Variants in SLC24A3 observed in about 807,000 individuals in gnomAD.
The protein encoded by SLC24A3 is solute carrier family 24 member 3.
A neutral mutation model predicts 75.8 loss-of-function variants in SLC24A3; 28 were observed. The observed-to-expected ratio is 0.37, with a 90% CI of 0.27 to 0.51. The LOEUF (loss-of-function observed/expected upper bound fraction) is 0.51, where lower values mean the gene tolerates loss of function less well. Among genes scored for constraint, SLC24A3 ranks in the 20% least tolerant of loss-of-function variants. The pLI is 0.94. For missense variants in SLC24A3, 663 were observed against 847.8 expected, an observed-to-expected ratio of 0.78 and a Z score of 2.71; for synonymous variants, 372 against 334.1, an observed-to-expected ratio of 1.11 and a Z score of -1.24.
chr20:19,453,250 T>A (rs1987521903), intron 2 of SLC24A3, among the ~76,000 whole-genome samples: 1 of 151,934 alleles, frequency 6.6e-6, no homozygotes, highest in African/African-American at 2.4e-5. Context: ...CTCAGGTGAC[T>A]GAGGCAGGAG....
chr20:19,572,862 C>G (rs895490280), intron 3 of SLC24A3, among the ~76,000 whole-genome samples: 1 of 152,104 alleles, frequency 6.6e-6, no homozygotes, highest in Non-Finnish European at 1.5e-5. Context: ...CTATTAGATA[C>G]AGAGCCTGTG....
At chr20:19,571,258 T>G (rs1320393884) in intron 3 of SLC24A3, among the ~76,000 whole-genome samples, 2 of 152,256 alleles carry the variant, frequency 1.3e-5, no homozygotes, top group African/African-American at 2.4e-5. Flanking sequence ...AGTATAGCCC[T>G]GTAGGGAGCA....
Position 19,673,594 on chromosome 20 carries a change from CA to C in SLC24A3, c.714-6del. The C allele has an allele frequency of 1.2e-6, 2 of 1,613,586 alleles. No homozygotes were observed. Among genetic ancestry groups the C allele is most frequent in the Non-Finnish European group, 1.7e-6 (2 of 1,179,500 alleles). ...ACTGTCTTTAACTGTTCTTGGTTTA[CA>C]CACAGGTGGGAGTCTTTAGTCCTTG... On this transcript the variant is annotated splice_region_variant and splice_polypyrimidine_tract_variant and intron_variant, in intron 8 of 16. Coordinates refer to ENST00000328041, the MANE Select transcript of SLC24A3 (RefSeq NM_020689.4).
At chr20:19,436,543 A>G (rs754437596) in intron 2 of SLC24A3, among the ~76,000 whole-genome samples, 1 of 152,216 alleles carries the variant, frequency 6.6e-6, no homozygotes, top group African/African-American at 2.4e-5. Flanking sequence ...TGTGGCTGAT[A>G]GACAGCACTA....
At chr20:19,633,352 T>C (rs1469254076) in intron 6 of SLC24A3, among the ~76,000 whole-genome samples, 1 of 152,130 alleles carries the variant, frequency 6.6e-6, no homozygotes, top group Non-Finnish European at 1.5e-5. Flanking sequence ...TTCATTCTTA[T>C]AAGAATGCCA....
chr20:19,510,535 A>T (rs1988520869), intron 2 of SLC24A3, among the ~76,000 whole-genome samples: 1 of 152,208 alleles, frequency 6.6e-6, no homozygotes, highest in Non-Finnish European at 1.5e-5. Context: ...TCCCAGATTC[A>T]TATGTTGAAG....
At chr20:19,419,193 C>A (rs1001112764) in intron 2 of SLC24A3, among the ~76,000 whole-genome samples, 1 of 152,198 alleles carries the variant, frequency 6.6e-6, no homozygotes, top group African/African-American at 2.4e-5. Context: ...CACCACACTG[C>A]ATCTCCTGGT....
At chr20:19,221,956 C>T (rs1396163208) in intron 1 of SLC24A3, among the ~76,000 whole-genome samples, 1 of 152,118 alleles carries the variant, frequency 6.6e-6, no homozygotes, top group African/African-American at 2.4e-5. Context: ...TCCCTTTTCT[C>T]TTTCTGGATT....
At chr20:19,599,964 G>A (rs936816408) in intron 6 of SLC24A3, among the ~76,000 whole-genome samples, 1 of 152,128 alleles carries the variant, frequency 6.6e-6, no homozygotes, top group African/African-American at 2.4e-5. Context: ...CTTGGTAAAC[G>A]TGTGCTTTCC....
intron 6 of SLC24A3, among the ~76,000 whole-genome samples, chr20:19,613,034 T>C (rs966450071): frequency 1.3e-5 from 2 of 152,162 alleles, no homozygotes; most frequent in Non-Finnish European, 2.9e-5. Context: ...GCCCCAGACT[T>C]CCAATGTTCT....
At chr20:19,588,013 A>G (rs1240992175) in intron 6 of SLC24A3, among the ~76,000 whole-genome samples, 6 of 152,176 alleles carry the variant, frequency 3.9e-5, no homozygotes, top group South Asian at 2.1e-4. Flanking sequence ...ATTAACAGAC[A>G]CAGGATACTC....
At chr20:19,669,175 G>A (rs1379312546) in intron 8 of SLC24A3, among the ~76,000 whole-genome samples, 1 of 152,082 alleles carries the variant, frequency 6.6e-6, no homozygotes, top group Non-Finnish European at 1.5e-5. Flanking sequence ...AGTGCTCTTC[G>A]GTTAGGTGCC....
intron 2 of SLC24A3, among the ~76,000 whole-genome samples, chr20:19,336,293 T>C (rs901621312): frequency 2.6e-5 from 4 of 152,226 alleles, no homozygotes; most frequent in Non-Finnish European, 5.9e-5. Flanking sequence ...GCTTTTGTGG[T>C]AGAACAGTGC....
At chr20:19,651,355 G>A (rs2032199284) in intron 6 of SLC24A3, among the ~76,000 whole-genome samples, 2 of 144,506 alleles carry the variant, frequency 1.4e-5, no homozygotes, top group Non-Finnish European at 3.0e-5. Flanking sequence ...ATTACAAAAT[G>A]TCATTCTGGT....
intron 2 of SLC24A3, among the ~76,000 whole-genome samples, chr20:19,351,084 A>C (rs1212060742): frequency 6.6e-6 from 1 of 152,146 alleles, no homozygotes; most frequent in Non-Finnish European, 1.5e-5. Context: ...GATGGTGGCC[A>C]ATGGTCCAGG....
Position 19,721,261 on chromosome 20 carries a change from G to C in SLC24A3, c.*121G>C. 1.5e-6 allele frequency: 2 copies of C among 1,307,332 alleles called. No homozygotes were observed. Among genetic ancestry groups the C allele is most frequent in the South Asian group, 1.4e-5 (1 of 70,336 alleles). 81.0% of individuals were successfully genotyped at this position (1,307,332 alleles called of 1,614,324 possible). On this transcript the variant is annotated 3_prime_UTR_variant, in exon 17 of 17. Coordinates refer to ENST00000328041, the MANE Select transcript of SLC24A3 (RefSeq NM_020689.4). ...TTCGTCTCTCCTGTGCTGTCCTCAGGCCTCCGCTCCTGTTTTGGTGGCCCA... is the reference window on the plus strand; with the variant it reads ...TTCGTCTCTCCTGTGCTGTCCTCAGCCCTCCGCTCCTGTTTTGGTGGCCCA...
rs796975349 is a variant in SLC24A3 at position 19,583,167 on chromosome 20, G to A, written c.424-1804G>A. Among the ~76,000 whole-genome samples the A allele has an allele frequency of 4.6e-5, 7 of 152,214 alleles. No individual in the cohort carries two copies. The South Asian group carries it at 6.2e-4, about 14-fold the overall frequency. On this transcript the variant is annotated intron_variant, in intron 4 of 16. Coordinates refer to ENST00000328041, the MANE Select transcript of SLC24A3 (RefSeq NM_020689.4). ...TCCACAGGGGGCTGGAGGAAGTGGC[G>A]GGGAATTGGCAAGTGCAGAAGTGCA...
At chr20:19,557,072 A>C (rs1215490771) in intron 3 of SLC24A3, among the ~76,000 whole-genome samples, 2 of 152,226 alleles carry the variant, frequency 1.3e-5, no homozygotes, top group East Asian at 3.9e-4. Flanking sequence ...AGGTTCCTGC[A>C]GGATTTAGAA....
In SLC24A3 at chr20:19,672,184, A is replaced by G. The variant is rs975677233; in HGVS notation, c.714-1417A>G. On this transcript the variant is annotated intron_variant, in intron 8 of 16. Coordinates refer to ENST00000328041, the MANE Select transcript of SLC24A3 (RefSeq NM_020689.4). Reference sequence around the variant, plus strand: ...TTGCCAACTGAATGAGAGGCACTGAAACGCAGTGTGCACAGCCCTTTAAGA... The same window carrying G: ...TTGCCAACTGAATGAGAGGCACTGAGACGCAGTGTGCACAGCCCTTTAAGA... Among the ~76,000 whole-genome samples, 2 of 152,134 alleles carry G rather than the reference A, an allele frequency of 1.3e-5. 1 individual carries two copies. Among genetic ancestry groups the G allele is most frequent in the Non-Finnish European group, 2.9e-5 (2 of 68,024 alleles).
Sources: gnomAD v4.1 joint callset for allele counts (sites outside exome capture counted in the v4.1 genomes callset) on GRCh38, gnomAD v4.1.1 for gene constraint, MANE v1.5 for transcripts, NCBI Gene and HGNC (gene_info 2026-07-23, HGNC 2026-07-21) for gene names.